The following SEPTIN7 variants were observed in gnomAD, a reference collection of about 807,000 sequenced individuals.
The protein encoded by SEPTIN7 is septin-7.
In SEPTIN7, 10 loss-of-function variants were observed where a neutral mutation model predicts 63.3. The ratio of observed to expected loss-of-function variants is 0.16; its 90% CI spans 0.10 to 0.27. The LOEUF is 0.27. Ranked by LOEUF, SEPTIN7 falls within the 10% of genes least tolerant of loss-of-function variation. The probability of loss-of-function intolerance (pLI) is 1.00; values close to 1 mark genes in which losing one functional copy is unlikely to be tolerated. For missense variants in SEPTIN7, 310 were observed against 521.0 expected (o/e 0.59, Z 3.94); for synonymous variants, 131 against 165.3 (o/e 0.79, Z 1.59).
chr7:35,885,111 C>G (rs891650434), intron 9 of SEPTIN7, among the ~76,000 whole-genome samples: 10 of 152,068 alleles, frequency 6.6e-5, no homozygotes, highest in Admixed American at 1.3e-4. Context: ...CATGCTCCTC[C>G]CACATCACGT....
chr7:35,914,110 G>T, the SEPTIN7 span, among the ~76,000 whole-genome samples: 2 of 152,152 alleles, frequency 1.3e-5, no homozygotes, highest in Non-Finnish European at 2.9e-5. Context: ...CATTGAGAAA[G>T]AATGAGGTAT....
chr7:35,844,735 T>G (rs1301085167), intron 3 of SEPTIN7, among the ~76,000 whole-genome samples: 3 of 152,134 alleles, frequency 2.0e-5, no homozygotes, highest in African/African-American at 7.2e-5. Flanking sequence ...CCCGAGTAGC[T>G]GGGACTACAG....
At chr7:35,804,258 CAAAAG>C (rs761136849) in intron 1 of SEPTIN7, among the ~76,000 whole-genome samples, 19 of 152,268 alleles carry the variant, frequency 1.2e-4, no homozygotes, top group Non-Finnish European at 1.8e-4. Context: ...GGGTGGCTTC[CAAAAG>C]AAAAGGGTAG....
At chr7:35,859,905 G>T (rs529765883) in intron 3 of SEPTIN7, among the ~76,000 whole-genome samples, 151 of 152,232 alleles carry the variant, frequency 9.9e-4, no homozygotes, top group Admixed American at 1.9e-3. Context: ...CAGATACGCA[G>T]TTGGGTCATG....
chr7:35,804,963 C>T (rs1419727271), intron 1 of SEPTIN7, among the ~76,000 whole-genome samples: 5 of 151,758 alleles, frequency 3.3e-5, no homozygotes, highest in South Asian at 4.2e-4. Flanking sequence ...GTCTCAGCCT[C>T]GCGAGTAGCT....
intron 2 of SEPTIN7, chr7:35,832,168 C>G: frequency 2.2e-6 from 1 of 446,988 alleles, no homozygotes; most frequent in South Asian, 1.6e-5. Context: ...ACTTTAAAAC[C>G]TGGATAAACC....
chr7:35,832,216 G>A (rs1452470465), intron 2 of SEPTIN7: 4 of 387,928 alleles, frequency 1.0e-5, no homozygotes, highest in South Asian at 5.7e-5. Flanking sequence ...AAACCTTGAA[G>A]TGACAAAATT....
intron 3 of SEPTIN7, among the ~76,000 whole-genome samples, chr7:35,840,210 TCCCCTCCCCCCTTC>T (rs1276490932): frequency 5.5e-5 from 3 of 54,556 alleles, no homozygotes; most frequent in Non-Finnish European, 1.0e-4. Context: ...CTCCCCCCTT[TCCCCTCCCCCCTTC>T]CCCCCTTTCC....
intron 3 of SEPTIN7, among the ~76,000 whole-genome samples, chr7:35,859,140 A>G (rs1023363256): frequency 2.4e-4 from 37 of 152,116 alleles, no homozygotes; most frequent in African/African-American, 8.2e-4. Flanking sequence ...AGTGTTTACA[A>G]CTATAAATTT....
intron 9 of SEPTIN7, among the ~76,000 whole-genome samples, chr7:35,885,247 C>T (rs1787156175): frequency 6.6e-6 from 1 of 152,242 alleles, no homozygotes; most frequent in African/African-American, 2.4e-5. Flanking sequence ...TTGTTCCCAG[C>T]TCTCTCTATC....
At chr7:35,817,637 C>T (rs996109953) in intron 1 of SEPTIN7, among the ~76,000 whole-genome samples, 3 of 151,982 alleles carry the variant, frequency 2.0e-5, no homozygotes, top group Non-Finnish European at 4.4e-5. Flanking sequence ...AGAGTATTGT[C>T]GTCTTAACAG....
chr7:35,807,609 C>T (rs749641240), intron 1 of SEPTIN7, among the ~76,000 whole-genome samples: 11 of 151,636 alleles, frequency 7.3e-5, no homozygotes, highest in Non-Finnish European at 1.3e-4. Flanking sequence ...ATGATCCGCC[C>T]GTCTTGGCCT....
At chr7:35,826,617 T>C (rs961376340) in intron 1 of SEPTIN7, among the ~76,000 whole-genome samples, 1 of 152,010 alleles carries the variant, frequency 6.6e-6, no homozygotes, top group Admixed American at 6.6e-5. Context: ...CATTTTGTAA[T>C]GATATTGGGA....
intron 4 of SEPTIN7, among the ~76,000 whole-genome samples, chr7:35,870,601 A>G (rs959979845): frequency 6.6e-5 from 10 of 152,196 alleles, no homozygotes; most frequent in African/African-American, 2.4e-4. Context: ...AGTGAATTCA[A>G]GATATTGAGA....
At chr7:35,862,816 A>G (rs1785582257) in intron 3 of SEPTIN7, among the ~76,000 whole-genome samples, 1 of 152,174 alleles carries the variant, frequency 6.6e-6, no homozygotes, top group Admixed American at 6.5e-5. Context: ...TAGGTTATAT[A>G]TACCTTGAAG....
chr7:35,854,918 A>G (rs999945462), intron 3 of SEPTIN7, among the ~76,000 whole-genome samples: 8 of 152,086 alleles, frequency 5.3e-5, no homozygotes, highest in African/African-American at 1.9e-4. Flanking sequence ...CACTTTTATT[A>G]TTACCCTCCC....
chr7:35,801,036 G>C, upstream of SEPTIN7: 1 of 473,940 alleles, frequency 2.1e-6, no homozygotes, highest in South Asian at 3.7e-5. Context: ...TGAGGGGGCG[G>C]GGGACGGAGG....
chr7:35,802,522 C>T (rs1052920519), intron 1 of SEPTIN7, among the ~76,000 whole-genome samples: 5 of 152,082 alleles, frequency 3.3e-5, no homozygotes, highest in Non-Finnish European at 1.5e-5. Flanking sequence ...TTGTTAGTGC[C>T]CCTGAGAATG....
chr7:35,889,619 C>A (rs1787513038), intron 10 of SEPTIN7, among the ~76,000 whole-genome samples: 1 of 152,146 alleles, frequency 6.6e-6, no homozygotes, highest in Admixed American at 6.5e-5. Flanking sequence ...TCTTGGCTCA[C>A]TGCAACCTCC....
Sources: gnomAD v4.1 joint callset for allele counts (sites outside exome capture counted in the v4.1 genomes callset) on GRCh38, gnomAD v4.1.1 for gene constraint, MANE v1.5 for transcripts, NCBI Gene and HGNC (gene_info 2026-07-23, HGNC 2026-07-21) for gene names.